The following KDM5C variants were observed in gnomAD, a reference collection of about 807,000 sequenced individuals.
KDM5C encodes the protein lysine-specific demethylase 5C.
In KDM5C, 16 loss-of-function variants were observed where a neutral mutation model predicts 110.6. The ratio of observed to expected loss-of-function variants is 0.14; its 90% confidence interval spans 0.10 to 0.22. The LOEUF (loss-of-function observed/expected upper bound fraction) is 0.22, where lower values mean the gene tolerates loss of function less well. KDM5C is among the 10% of genes least tolerant of loss of function. The pLI is 1.00. For missense variants in KDM5C, 681 were observed against 1,300.9 expected, an observed-to-expected ratio of 0.52 and a Z score of 7.33; for synonymous variants, 511 against 520.4, an observed-to-expected ratio of 0.98 and a Z score of 0.24.
intron 2 of KDM5C, among the ~76,000 whole-genome samples, chrX:53,220,246 G>A (rs2073858767): frequency 9.0e-6 from 1 of 111,383 alleles, no homozygotes; most frequent in Non-Finnish European, 1.9e-5. Flanking sequence ...TCTCAAGCAG[G>A]AAAAACCCCA....
chrX:53,218,633 T>C, intron 2 of KDM5C: 1 of 467,339 alleles, frequency 2.1e-6, no homozygotes, highest in Non-Finnish European at 3.9e-6. Flanking sequence ...TGGAATGGAG[T>C]GGTGCAATCA....
chrX:53,198,846 C>T lies in KDM5C; in HGVS notation c.2286G>A (p.Lys762=), dbSNP rs2073054354. The T allele has an allele frequency of 8.2e-7, 1 of 1,212,257 alleles. No homozygotes were observed. Among genetic ancestry groups the T allele is most frequent in the African/African-American group, 1.7e-5 (1 of 57,917 alleles). The stretch of plus-strand genomic sequence containing the variant: ...CAAAGGACTCAGCCCGAACCTTCAG[C>T]TTATGCAGCATGGCAGGAAGCTCAT... The part of the protein sequence containing the change: ...TLDELPAMLH[K]LKVRAESFDT... The change falls in exon 16 of 26, where the codon AAG becomes AAA. Residue 762 remains lysine (K), a synonymous_variant. Transcript: ENST00000375401.
In KDM5C at chrX:53,194,276, C is replaced by T; in HGVS notation, c.3901G>A (p.Val1301Met). The part of the protein sequence containing the change: ...RARQALASED[V>M]TALLGRLAEL... The stretch of plus-strand genomic sequence containing the variant: ...GCCAGCCGTCCCAAAAGAGCAGTCA[C>T]ATCTTCAGAGGCCAGAGCCTGCCTG... Residue 1301 changes from valine to methionine, a missense_variant, in exon 23 of 26, where the codon GTG becomes ATG. By Grantham distance (21) the Val-to-Met change is conservative. Around this residue, in one of 14 missense-constraint regions of KDM5C, gnomAD observed 88 missense variants for 85.6 expected, o/e 1.03. Coordinates refer to ENST00000375401, the MANE Select transcript of KDM5C (RefSeq NM_004187.5). 8.2e-7 allele frequency: 1 copy of T among 1,212,448 alleles called. No homozygotes were observed. The highest frequency in any genetic ancestry group is 1.1e-6 in the Non-Finnish European group (1 of 895,637).
rs782786350 is a variant in KDM5C at position 53,193,754 on chromosome X, ACAC to A, written c.4117+16_4117+18del. On this transcript the variant is annotated intron_variant, in intron 24 of 25. Transcript: ENST00000375401. The stretch of plus-strand genomic sequence containing the variant: ...GTGATGTGCAGTCAACAGCCTACCC[ACAC>A]CACACCTAGACCTACCTCTCTTACC... The A allele has an allele frequency of 4.2e-6, 5 of 1,195,776 alleles. No individual in the cohort carries two copies. Among genetic ancestry groups the A allele is most frequent in the African/African-American group, 1.8e-5 (1 of 56,852 alleles).
intron 18 of KDM5C, 98 bp from the exon 19 acceptor site, chrX:53,197,142 CA>C: frequency 1.5e-6 from 1 of 652,679 alleles, no homozygotes; most frequent in Non-Finnish European, 2.4e-6. Flanking sequence ...TCTTACCCTC[CA>C]AGCTTTTGGG....
chrX:53,198,672 G>A (rs1569263522), intron 16 of KDM5C, 35 bp from the exon 17 acceptor site: 2 of 1,211,714 alleles, frequency 1.7e-6, no homozygotes, highest in Non-Finnish European at 2.2e-6. Flanking sequence ...AGAGTAGGCA[G>A]TATTGAATAG....
chrX:53,224,765 C>A lies in KDM5C; in HGVS notation c.125G>T (p.Gly42Val). Residue 42 changes from glycine to valine, a missense_variant, in exon 1 of 26, where the codon GGC becomes GTC. Around this residue, in one of 14 missense-constraint regions of KDM5C, gnomAD observed 15 missense variants for 37.0 expected, o/e 0.41. Coordinates refer to ENST00000375401, the MANE Select transcript of KDM5C (RefSeq NM_004187.5). The stretch of plus-strand genomic sequence containing the variant: ...CGCGGGTGGGCGGATCTTGCAAATG[C>A]CCGATTTCTCTGCGATGGGCCTGAT... ...AKIRPIAEKS[G>V]ICKIRPPADW... 8.3e-7 allele frequency: 1 copy of A among 1,211,917 alleles called. No homozygotes were observed. Among genetic ancestry groups the A allele is most frequent in the Non-Finnish European group, 1.1e-6 (1 of 895,457 alleles).
intron 25 of KDM5C, among the ~76,000 whole-genome samples, chrX:53,180,538 A>G (rs190271653): frequency 9.1e-6 from 1 of 109,464 alleles, no homozygotes; most frequent in East Asian, 2.9e-4. Context: ...TATGGGATAC[A>G]TACTTTCCAC....
At chrX:53,203,145 G>T (rs1441607740) in intron 12 of KDM5C, among the ~76,000 whole-genome samples, 1 of 111,860 alleles carries the variant, frequency 8.9e-6, no homozygotes, top group Non-Finnish European at 1.9e-5. Flanking sequence ...TGTTGACTCA[G>T]AAAATAATTT....
At chrX:53,215,079 T>TA (rs1339238916) in intron 7 of KDM5C, 1 of 488,205 alleles carries the variant, frequency 2.0e-6, no homozygotes. Context: ...TATTCAGAAC[T>TA]ACGCTGGACT....
chrX:53,201,558 G>A lies in KDM5C; in HGVS notation c.2053C>T (p.Leu685=), dbSNP rs2146864035. The change falls in exon 14 of 26, where the codon CTG becomes TTG. Residue 685 remains leucine (L), a synonymous_variant. Coordinates refer to ENST00000375401, the MANE Select transcript of KDM5C (RefSeq NM_004187.5). ...TGGGGTACTCTCCCCACCTTCTCCAGCAGGGCCTTTCGTAGACGCCGCTCT... is the reference window on the plus strand; with the variant it reads ...TGGGGTACTCTCCCCACCTTCTCCAACAGGGCCTTTCGTAGACGCCGCTCT... ...QEERRLRKAL[L]EKGITEAERE... is the part of the protein sequence containing the mutation. 1 of 1,211,065 alleles carries A rather than the reference G, an allele frequency of 8.3e-7. No homozygotes were observed. The highest frequency in any genetic ancestry group is 3.0e-5 in the East Asian group (1 of 33,823).
In KDM5C at chrX:53,192,985, C is replaced by T. The variant is rs370930723; in HGVS notation, c.4665G>A (p.Pro1555=). The T allele has an allele frequency of 4.8e-5, 56 of 1,164,861 alleles. No homozygotes were observed. Among genetic ancestry groups the T allele is most frequent in the South Asian group, 5.9e-5 (3 of 50,503 alleles). The change falls in exon 26 of 26, where the codon CCG becomes CCA. Residue 1555 remains proline (P), a synonymous_variant. Coordinates refer to ENST00000375401, the MANE Select transcript of KDM5C (RefSeq NM_004187.5). ...PRLHLPCPQQ[P]PQQQL ...GCCACTGTCACAACTGTTGCTGAGGCGGCTGCTGTGGGCAGGGCAGATGCA... is the reference window on the plus strand; with the variant it reads ...GCCACTGTCACAACTGTTGCTGAGGTGGCTGCTGTGGGCAGGGCAGATGCA...
At chrX:53,207,163 G>A (rs1432584870) in intron 12 of KDM5C, among the ~76,000 whole-genome samples, 1 of 71,496 alleles carries the variant, frequency 1.4e-5, no homozygotes. Flanking sequence ...GGCAACAAGA[G>A]TGAGACTCCT....
intron 12 of KDM5C, among the ~76,000 whole-genome samples, chrX:53,202,947 T>C (rs2073192473): frequency 1.8e-5 from 2 of 109,775 alleles, no homozygotes; most frequent in South Asian, 4.0e-4. Context: ...CCTCTCCGAA[T>C]AGCTGGGACT....
chrX:53,193,910 C>T, intron 23 of KDM5C, 59 bp from the exon 24 acceptor site: 5 of 1,095,057 alleles, frequency 4.6e-6, no homozygotes, highest in Non-Finnish European at 5.0e-6. Flanking sequence ...GGCCCTATTC[C>T]TCCTCCGCCA....
At position 53,193,855 on chromosome X, in the gene KDM5C, C is replaced by T. The variant is rs371746707; in HGVS notation, c.4039-4G>A. The T allele has an allele frequency of 1.1e-4, 134 of 1,203,229 alleles. No individual in the cohort carries two copies. Among genetic ancestry groups the T allele is most frequent in the Non-Finnish European group, 1.3e-4 (115 of 889,450 alleles). On this transcript the variant is annotated splice_polypyrimidine_tract_variant and splice_region_variant and intron_variant, in intron 23 of 25. Transcript: ENST00000375401. ...CATTCTCCAGTAAGCCCTGGACCTG[C>T]GGAGGAGAGCAAGAATAGGTAGGGG...
intron 7 of KDM5C, chrX:53,215,108 A>G (rs1556851046): frequency 2.7e-5 from 13 of 478,038 alleles, no homozygotes. Context: ...AAGACAAGAC[A>G]TGGTATCCTT....
intron 12 of KDM5C, among the ~76,000 whole-genome samples, chrX:53,208,432 T>G (rs938523338): frequency 2.0e-5 from 2 of 99,201 alleles, no homozygotes; most frequent in Non-Finnish European, 2.0e-5. Flanking sequence ...TATATATATA[T>G]ATATATATAT....
In KDM5C at chrX:53,214,854, G is replaced by A. The variant is rs782073186; in HGVS notation, c.964-7C>T. Reference sequence around the variant, plus strand: ...GGCAGACATATGACTCAATCTGCCAGGGGAGAAGAGCAAAAGTTCTCCATT... The same window carrying A: ...GGCAGACATATGACTCAATCTGCCAAGGGAGAAGAGCAAAAGTTCTCCATT... On this transcript the variant is annotated splice_polypyrimidine_tract_variant and splice_region_variant and intron_variant, in intron 7 of 25. Coordinates refer to ENST00000375401, the MANE Select transcript of KDM5C (RefSeq NM_004187.5). The A allele has an allele frequency of 1.7e-6, 2 of 1,210,732 alleles. No individual in the cohort carries two copies. Among genetic ancestry groups the A allele is most frequent in the Non-Finnish European group, 2.2e-6 (2 of 894,887 alleles).
Sources: allele counts gnomAD v4.1 joint callset (sites outside exome capture counted in the v4.1 genomes callset), GRCh38; gene constraint gnomAD v4.1.1; regional missense constraint gnomAD v4.1.1; transcripts MANE v1.5; gene names NCBI Gene and HGNC (gene_info 2026-07-23, HGNC 2026-07-21).